The following CD226 variants were observed in gnomAD, a reference collection of about 807,000 sequenced individuals.
The protein encoded by CD226 is CD226 molecule.
In CD226, 24 loss-of-function variants were observed where a neutral mutation model predicts 34.9. The ratio of observed to expected loss-of-function variants is 0.69; its 90% confidence interval spans 0.50 to 0.97. CD226 has a LOEUF of 0.97. Among genes scored for constraint, CD226 ranks in the 50% least tolerant of loss-of-function variants. CD226 has a pLI of 0.00. For synonymous variants in CD226, 148 were observed against 147.4 expected, an observed-to-expected ratio of 1.00 and a Z score of -0.03; for missense variants, 397 against 412.7, an observed-to-expected ratio of 0.96 and a Z score of 0.33.
intron 2 of CD226, among the ~76,000 whole-genome samples, chr18:69,899,976 T>C (rs1985508891): frequency 1.3e-5 from 2 of 152,164 alleles, no homozygotes; most frequent in Non-Finnish European, 2.9e-5. Context: ...GACACATATG[T>C]ACATGAATGT....
intron 5 of CD226, 25 bp from the exon 6 acceptor site, chr18:69,864,464 G>A (rs757457073): frequency 1.6e-5 from 26 of 1,607,660 alleles, no homozygotes; most frequent in Non-Finnish European, 2.1e-5. Flanking sequence ...AGCAGAGAGT[G>A]TCAATAATTC....
At chr18:69,917,609 A>G (rs2055401381) in intron 2 of CD226, among the ~76,000 whole-genome samples, 1 of 152,170 alleles carries the variant, frequency 6.6e-6, no homozygotes, top group African/African-American at 2.4e-5. Context: ...AGGAATTTAT[A>G]TGTTCTCCTA....
chr18:69,934,767 G>A (rs1381683201), intron 2 of CD226, among the ~76,000 whole-genome samples: 1 of 152,142 alleles, frequency 6.6e-6, no homozygotes, highest in African/African-American at 2.4e-5. Context: ...CAAGGGAAGT[G>A]CCAGAAGCCC....
At chr18:69,934,308 A>ACACACACACACACG (rs1555684047) in intron 2 of CD226, among the ~76,000 whole-genome samples, 1 of 150,904 alleles carries the variant, frequency 6.6e-6, no homozygotes, top group African/African-American at 2.5e-5. Context: ...ACACACACAC[A>ACACACACACACACG]CACGCACGCA....
chr18:69,895,677 A>G, intron 3 of CD226, 24 bp downstream of exon 3: 2 of 1,571,244 alleles, frequency 1.3e-6, no homozygotes, highest in East Asian at 2.3e-5. Context: ...GTTTGATACC[A>G]GAAGATGTCT....
chr18:69,896,067 T>G, intron 2 of CD226, 22 bp from the exon 3 acceptor site: 1 of 1,587,754 alleles, frequency 6.3e-7, no homozygotes, highest in Non-Finnish European at 8.6e-7. Flanking sequence ...AAGCAAATGA[T>G]TAGATACAGG....
rs1555680749 is a variant in CD226 at position 69,900,756 on chromosome 18, A to AAT, written c.383-4712_383-4711insAT. On this transcript the variant is annotated intron_variant, in intron 2 of 5. Coordinates refer to ENST00000582621, the MANE Select transcript of CD226 (RefSeq NM_001303618.2). ...TCCGTCTCAAAAAAAAAAAAAAAAA[A>AAT]TTTCTAATAAAATAAAACTGTATTT... 6.8e-3 allele frequency among the ~76,000 whole-genome samples: 1,020 copies of AAT among 150,794 alleles called. 17 individuals carry two copies. Among genetic ancestry groups the AAT allele is most frequent in the African/African-American group, 0.024 (974 of 40,554 alleles).
chr18:69,907,028 C>G (rs748704912), intron 2 of CD226, among the ~76,000 whole-genome samples: 1 of 152,138 alleles, frequency 6.6e-6, no homozygotes, highest in Admixed American at 6.5e-5. Flanking sequence ...GGACCCTGAT[C>G]CAGTGACTGA....
chr18:69,889,044 A>C (rs1984729003), intron 3 of CD226, among the ~76,000 whole-genome samples: 1 of 152,158 alleles, frequency 6.6e-6, no homozygotes, highest in Non-Finnish European at 1.5e-5. Context: ...TGAATGCAAT[A>C]GATCATTAAA....
Position 69,864,359 on chromosome 18 carries a change from A to C in CD226, c.966T>G (p.Tyr322Ter). ...QSMDDTREDI[Y>*]VNYPTFSRRP... is the part of the protein sequence containing the mutation. ...TGCGAGAGAAGGTTGGATAGTTGAC[A>C]TAAATATCCTCTCTTGTATCATCCA... The change falls in exon 6 of 6, where the codon TAT becomes TAG. Residue 322 changes from tyrosine (Y) to a stop codon, truncating the protein, a stop_gained. Coordinates refer to ENST00000582621, the MANE Select transcript of CD226 (RefSeq NM_001303618.2). LOFTEE classifies it high-confidence loss of function. 6.2e-7 allele frequency: 1 copy of C among 1,613,204 alleles called. No homozygotes were observed. The highest frequency in any genetic ancestry group is 8.5e-7 in the Non-Finnish European group (1 of 1,179,236).
At position 69,895,815 on chromosome 18, in the gene CD226, T is replaced by G. The variant is rs776758311; in HGVS notation, c.613A>C (p.Ser205Arg). The G allele has an allele frequency of 6.2e-7, 1 of 1,614,070 alleles. No homozygotes were observed. The highest frequency in any genetic ancestry group is 8.5e-7 in the Non-Finnish European group (1 of 1,180,034). Reference sequence around the variant, plus strand: ...GTGACATCGGGGATGACGATGACGCTCCACCTTCCGTGGCTGCAGTTGCTC... The same window carrying G: ...GTGACATCGGGGATGACGATGACGCGCCACCTTCCGTGGCTGCAGTTGCTC... The part of the protein sequence containing the change: ...IVSNCSHGRW[S>R]VIVIPDVTVS... Residue 205 changes from serine to arginine, a missense_variant, in exon 3 of 6, where the codon AGC becomes CGC. By Grantham distance (110) the Ser-to-Arg change is moderately radical. Coordinates refer to ENST00000582621, the MANE Select transcript of CD226 (RefSeq NM_001303618.2).
At chr18:69,924,160 T>C (rs117323006) in intron 2 of CD226, among the ~76,000 whole-genome samples, 399 of 151,916 alleles carry the variant, frequency 2.6e-3, no homozygotes, top group Admixed American at 4.7e-3. Context: ...GAAAATATTA[T>C]GCAAAATGAG....
chr18:69,923,097 C>T (rs943291451), intron 2 of CD226, among the ~76,000 whole-genome samples: 4 of 151,722 alleles, frequency 2.6e-5, no homozygotes, highest in African/African-American at 9.7e-5. Context: ...TGCGCCACTA[C>T]ACTCCAGCCT....
At chr18:69,960,606 C>A (rs540215944), upstream of CD226, among the ~76,000 whole-genome samples, 4 of 152,132 alleles carry the variant, frequency 2.6e-5, no homozygotes, top group Admixed American at 1.3e-4. Flanking sequence ...TGCACCAACA[C>A]GCATGGCTAA....
chr18:69,931,245 G>A (rs974857128), intron 2 of CD226, among the ~76,000 whole-genome samples: 1 of 152,004 alleles, frequency 6.6e-6, no homozygotes, highest in Non-Finnish European at 1.5e-5. Context: ...GGTGGGGAGA[G>A]GGGGGAGGGA....
rs1202692791 is a variant in CD226, at chr18:69,867,503, C to T, written c.831-92G>A. ...TCTATACCTCACTGTACCCCTAGCCCACATGCACCTTCTAATATGTTGAAG... is the reference window on the plus strand; with the variant it reads ...TCTATACCTCACTGTACCCCTAGCCTACATGCACCTTCTAATATGTTGAAG... On this transcript the variant is annotated intron_variant, in intron 4 of 5. Transcript: ENST00000582621. 4 of 785,822 alleles carry T rather than the reference C, an allele frequency of 5.1e-6. No homozygotes were observed. In the African/African-American group the frequency reaches 5.1e-5, roughly 10 times the overall value. 48.7% of individuals were successfully genotyped at this position (785,822 alleles called of 1,614,324 possible).
chr18:69,859,005 T>A lies in CD226; in HGVS notation c.*5309A>T, dbSNP rs909329213. The A allele has an allele frequency of 1.3e-5, 2 of 152,062 alleles. No individual in the cohort carries two copies. Among genetic ancestry groups the A allele is most frequent in the African/African-American group, 4.8e-5 (2 of 41,404 alleles). The allele number at this position is 152,062 out of a possible 1,614,324, so 9.4% of individuals were successfully genotyped here. A position where few individuals can be genotyped will look rare whatever the true frequency, so the allele number is the denominator to read the frequency against. On this transcript the variant is annotated 3_prime_UTR_variant, in exon 6 of 6. Transcript: ENST00000582621. ...CAACAGTCAGTATCTGTTTTCGTGCTTACAACCAATACCCCCAACTTTTAC... is the reference window on the plus strand; with the variant it reads ...CAACAGTCAGTATCTGTTTTCGTGCATACAACCAATACCCCCAACTTTTAC...
upstream of CD226, among the ~76,000 whole-genome samples, chr18:69,959,937 C>G (rs2055921740): frequency 6.6e-6 from 1 of 152,158 alleles, no homozygotes; most frequent in Non-Finnish European, 1.5e-5. Flanking sequence ...CTAGAAGTAA[C>G]CAGCAGTGCA....
chr18:69,939,257 C>T (rs992664946), intron 2 of CD226, among the ~76,000 whole-genome samples: 2 of 152,186 alleles, frequency 1.3e-5, no homozygotes, highest in Non-Finnish European at 2.9e-5. Flanking sequence ...TGTTTCTGAA[C>T]TTTGCTTTTC....
Sources: allele counts gnomAD v4.1 joint callset (sites outside exome capture counted in the v4.1 genomes callset), GRCh38; gene constraint gnomAD v4.1.1; transcripts MANE v1.5; gene names NCBI Gene and HGNC (gene_info 2026-07-23, HGNC 2026-07-21).